The following ROBO2 variants were observed in gnomAD, a reference collection of about 807,000 sequenced individuals.
ROBO2 encodes roundabout guidance receptor 2, also known as roundabout homolog 2.
In ROBO2, 53 loss-of-function variants were observed where a neutral mutation model predicts 160.8. The ratio of observed to expected loss-of-function variants is 0.33; its 90% CI spans 0.26 to 0.41. The LOEUF (loss-of-function observed/expected upper bound fraction) is 0.41, where lower values mean the gene tolerates loss of function less well. Ranked by LOEUF, ROBO2 falls within the 10% of genes least tolerant of loss-of-function variation. The probability of loss-of-function intolerance (pLI) is 1.00; values close to 1 mark genes in which losing one functional copy is unlikely to be tolerated. For missense variants in ROBO2, 1,577 were observed against 1,722.4 expected, an observed-to-expected ratio of 0.92 and a Z score of 1.49; for synonymous variants, 664 against 611.7, an observed-to-expected ratio of 1.09 and a Z score of -1.26.
intron 2 of ROBO2, among the ~76,000 whole-genome samples, chr3:76,125,250 G>A (rs1033245222): frequency 1.3e-5 from 2 of 152,002 alleles, no homozygotes; most frequent in African/African-American, 4.8e-5. Flanking sequence ...TCTACCATTG[G>A]TGGGCAGCTG....
At chr3:76,009,539 T>C (rs1259450272) in intron 2 of ROBO2, among the ~76,000 whole-genome samples, 2 of 152,154 alleles carry the variant, frequency 1.3e-5, no homozygotes, top group African/African-American at 4.8e-5. Context: ...TGCTCTGGGG[T>C]AGCATGTTTT....
intron 2 of ROBO2, among the ~76,000 whole-genome samples, chr3:76,528,387 G>A (rs2082053458): frequency 6.6e-6 from 1 of 152,084 alleles, no homozygotes; most frequent in Non-Finnish European, 1.5e-5. Context: ...AGAATTGATA[G>A]TAGTAGGAAG....
At chr3:77,625,477 A>G (rs2094994268) in intron 23 of ROBO2, among the ~76,000 whole-genome samples, 1 of 151,798 alleles carries the variant, frequency 6.6e-6, no homozygotes, top group Admixed American at 6.6e-5. Flanking sequence ...TCTCGGGTTC[A>G]AGCGATTCTC....
chr3:77,119,860 A>T (rs917546222), intron 2 of ROBO2, among the ~76,000 whole-genome samples: 20 of 152,212 alleles, frequency 1.3e-4, no homozygotes, highest in African/African-American at 4.8e-4. Context: ...ATGTGAGCAC[A>T]TTGACATTGT....
At chr3:77,243,610 G>C (rs567623030) in intron 2 of ROBO2, among the ~76,000 whole-genome samples, 1 of 152,092 alleles carries the variant, frequency 6.6e-6, no homozygotes, top group Non-Finnish European at 1.5e-5. Flanking sequence ...TTGGTGCTTC[G>C]CAAAGCTGTG....
intron 7 of ROBO2, among the ~76,000 whole-genome samples, chr3:77,550,054 C>T (rs552242416): frequency 1.3e-5 from 2 of 152,008 alleles, no homozygotes; most frequent in South Asian, 4.1e-4. Context: ...AATGTTACTC[C>T]TCTCATAGAT....
intron 6 of ROBO2, among the ~76,000 whole-genome samples, chr3:77,544,755 T>A (rs2153647483): frequency 6.6e-6 from 1 of 152,212 alleles, no homozygotes; most frequent in South Asian, 2.1e-4. Flanking sequence ...TTCTAAAAAT[T>A]AGAGTTGATT....
intron 1 of ROBO2, among the ~76,000 whole-genome samples, chr3:77,095,023 A>G (rs947915025): frequency 1.3e-5 from 2 of 152,132 alleles, no homozygotes; most frequent in East Asian, 1.9e-4. Flanking sequence ...AAATTTTATA[A>G]CATCCAGTTT....
intron 2 of ROBO2, among the ~76,000 whole-genome samples, chr3:76,114,246 G>T (rs2070365140): frequency 6.6e-6 from 1 of 152,094 alleles, no homozygotes; most frequent in South Asian, 2.1e-4. Context: ...CAGCACAGAT[G>T]AAATTATCTT....
At chr3:76,207,496 TAAG>T in intron 2 of ROBO2, among the ~76,000 whole-genome samples, 1 of 152,274 alleles carries the variant, frequency 6.6e-6, no homozygotes, top group East Asian at 1.9e-4. Context: ...CACTCAAAAA[TAAG>T]AAAGCTTCAA....
intron 2 of ROBO2, among the ~76,000 whole-genome samples, chr3:76,407,012 T>C (rs1242101022): frequency 6.6e-6 from 1 of 151,304 alleles, no homozygotes; most frequent in Non-Finnish European, 1.5e-5. Flanking sequence ...TTTTTTTTTT[T>C]TCATTTATTT....
intron 2 of ROBO2, among the ~76,000 whole-genome samples, chr3:76,934,447 G>GA (rs971808486): frequency 1.9e-3 from 291 of 150,984 alleles, no homozygotes; most frequent in African/African-American, 6.7e-3. Context: ...TTCAATTAAA[G>GA]AAAAAAAAAC....
chr3:76,564,793 G>T (rs2108523097), intron 2 of ROBO2, among the ~76,000 whole-genome samples: 1 of 152,310 alleles, frequency 6.6e-6, no homozygotes, highest in South Asian at 2.1e-4. Context: ...CCATGTAAAT[G>T]TACTGGTTTA....
chr3:76,189,312 T>A (rs560407754), intron 2 of ROBO2, among the ~76,000 whole-genome samples: 2 of 152,212 alleles, frequency 1.3e-5, no homozygotes, highest in South Asian at 2.1e-4. Flanking sequence ...AAAAGGTGTT[T>A]TTATGAATTA....
chr3:76,490,567 G>T (rs1022655569), intron 2 of ROBO2, among the ~76,000 whole-genome samples: 1 of 152,152 alleles, frequency 6.6e-6, no homozygotes, highest in African/African-American at 2.4e-5. Flanking sequence ...TTACGCTTCA[G>T]GACTGTGAGA....
At chr3:77,583,172 A>G (rs1168753375) in intron 16 of ROBO2, among the ~76,000 whole-genome samples, 1 of 151,470 alleles carries the variant, frequency 6.6e-6, no homozygotes, top group Admixed American at 6.6e-5. Context: ...AAAAAAAAAA[A>G]AAGGAAAAAA....
intron 2 of ROBO2, among the ~76,000 whole-genome samples, chr3:76,936,133 A>G (rs576193254): frequency 5.3e-5 from 8 of 152,284 alleles, no homozygotes; most frequent in African/African-American, 1.9e-4. Flanking sequence ...GATGCATATT[A>G]TGTTCATATG....
intron 2 of ROBO2, among the ~76,000 whole-genome samples, chr3:76,611,712 A>G (rs1164182827): frequency 1.3e-5 from 2 of 152,038 alleles, no homozygotes; most frequent in African/African-American, 2.4e-5. Context: ...TTTTTGAAAA[A>G]ACAACTTTTT....
At chr3:77,497,262 T>C (rs1293594791) in intron 5 of ROBO2, among the ~76,000 whole-genome samples, 2 of 152,140 alleles carry the variant, frequency 1.3e-5, no homozygotes, top group African/African-American at 4.8e-5. Context: ...TTTCAATACA[T>C]ATGTGTTAGG....
Sources: gnomAD v4.1 joint callset for allele counts (sites outside exome capture counted in the v4.1 genomes callset) on GRCh38, gnomAD v4.1.1 for gene constraint, MANE v1.5 for transcripts, NCBI Gene and HGNC (gene_info 2026-07-23, HGNC 2026-07-21) for gene names.